The following CDC42BPG variants were observed in gnomAD, a reference collection of about 807,000 sequenced individuals.
CDC42BPG encodes the protein CDC42 binding protein kinase gamma.
CDC42BPG carries 157 observed loss-of-function variants against 192.2 expected under a neutral mutation model. That is an observed-to-expected ratio of 0.82 (90% confidence interval 0.72 to 0.93). CDC42BPG has a LOEUF of 0.93. Ranked by LOEUF, CDC42BPG falls within the 40% of genes least tolerant of loss-of-function variation. CDC42BPG has a pLI of 0.00. For missense variants in CDC42BPG, 1,992 were observed against 2,122.1 expected (o/e 0.94, Z 1.20); for synonymous variants, 981 against 918.5 (o/e 1.07, Z -1.23).
At chr11:64,826,632 T>C (rs1191999921) in intron 35 of CDC42BPG, 39 bp downstream of exon 35, 1 of 1,487,090 alleles carries the variant, frequency 6.7e-7, no homozygotes. Flanking sequence ...AAACTTGGGG[T>C]GGGGGGTGGC....
At chr11:64,836,605 C>T (rs1943003362) in intron 11 of CDC42BPG, 75 bp from the exon 12 acceptor site, 1 of 1,389,662 alleles carries the variant, frequency 7.2e-7, no homozygotes, top group African/African-American at 1.4e-5. Flanking sequence ...TCTCCTTGGC[C>T]TGTTTCCCAC....
intron 30 of CDC42BPG, among the ~76,000 whole-genome samples, chr11:64,829,211 C>A: frequency 6.6e-6 from 1 of 152,034 alleles, no homozygotes; most frequent in Non-Finnish European, 1.5e-5. Flanking sequence ...AGACAGAGAC[C>A]CTGTCTCAAA....
At chr11:64,837,507 C>G (rs947327207) in intron 9 of CDC42BPG, among the ~76,000 whole-genome samples, 5 of 152,238 alleles carry the variant, frequency 3.3e-5, no homozygotes, top group African/African-American at 1.2e-4. Context: ...GTCACCCAGG[C>G]TGGAGTGCAG....
rs575460001 is a variant in CDC42BPG, at chr11:64,823,622, A to C, written c.*851T>G. ...CGACCCCCTTTCTGGGAAGGGCCAG[A>C]GTGTGCCCGGAGACCCTCCAGTGGC... On this transcript the variant is annotated 3_prime_UTR_variant, in exon 37 of 37. Coordinates refer to ENST00000342711, the MANE Select transcript of CDC42BPG (RefSeq NM_017525.3). The C allele has an allele frequency of 6.6e-6, 1 of 152,254 alleles. No homozygotes were observed. The highest frequency in any genetic ancestry group is 2.1e-4 in the South Asian group (1 of 4,822). 9.4% of individuals were successfully genotyped at this position (152,254 alleles called of 1,614,324 possible).
chr11:64,834,582 T>G lies in CDC42BPG; in HGVS notation c.2176-5A>C. 1.9e-6 allele frequency: 3 copies of G among 1,551,412 alleles called. No individual in the cohort carries two copies. Among genetic ancestry groups the G allele is most frequent in the Non-Finnish European group, 2.6e-6 (3 of 1,145,972 alleles). On this transcript the variant is annotated splice_region_variant and splice_polypyrimidine_tract_variant and intron_variant, in intron 18 of 36. Transcript: ENST00000342711. ...CCGCGCCTTCCACTGGTGGTCCTGG[T>G]GGCCACGGAGCACCCGTATAAGATG...
At position 64,832,824 on chromosome 11, in the gene CDC42BPG, A is replaced by T; in HGVS notation, c.2865+2T>A. ...TCTTCCCCTCCCTCGGCCCCCACTC[A>T]CCGACAGAAAGCCCTCATAGGCAGT... is the stretch of plus-strand genomic sequence containing the variant. On this transcript the variant is annotated splice_donor_variant, in intron 25 of 36. Coordinates refer to ENST00000342711, the MANE Select transcript of CDC42BPG (RefSeq NM_017525.3). LOFTEE classifies it high-confidence loss of function. The T allele has an allele frequency of 6.3e-7, 1 of 1,586,434 alleles. No individual in the cohort carries two copies. Among genetic ancestry groups the T allele is most frequent in the Non-Finnish European group, 8.6e-7 (1 of 1,166,758 alleles).
In CDC42BPG at chr11:64,824,173, C is replaced by A; in HGVS notation, c.*300G>T. ...CTCTTACAAGCCTCTGGGGGCTTGG[C>A]ACTGGAAATAAGAGCTTTGGCACAA... On this transcript the variant is annotated 3_prime_UTR_variant, in exon 37 of 37. Transcript: ENST00000342711. 2.2e-6 allele frequency: 1 copy of A among 452,432 alleles called. No homozygotes were observed. The highest frequency in any genetic ancestry group is 3.5e-5 in the Admixed American group (1 of 28,298). 28.0% of individuals were successfully genotyped at this position (452,432 alleles called of 1,614,324 possible).
At chr11:64,831,035 T>C (rs1487710379) in intron 28 of CDC42BPG, among the ~76,000 whole-genome samples, 1 of 152,110 alleles carries the variant, frequency 6.6e-6, no homozygotes, top group African/African-American at 2.4e-5. Context: ...CTGGCCAACA[T>C]GCTGAAACCC....
chr11:64,826,714 TG>T lies in CDC42BPG; in HGVS notation c.4469del (p.Pro1490GlnfsTer16). On this transcript the variant is annotated frameshift_variant, in exon 35 of 37. Coordinates refer to ENST00000342711, the MANE Select transcript of CDC42BPG (RefSeq NM_017525.3). LOFTEE classifies it high-confidence loss of function. ...PHSFSEALRR[P>X]ASMGSEGLGG... ...CGAGGCCTTCGCTGCCCATGGAGGC[TG>T]GGCGCCGCAACGCCTCGGAGAAGCT... 6.4e-7 allele frequency: 1 copy of T among 1,554,706 alleles called. No individual in the cohort carries two copies. Among genetic ancestry groups the T allele is most frequent in the Admixed American group, 2.0e-5 (1 of 50,404 alleles).
At chr11:64,840,052 C>T in intron 5 of CDC42BPG, 68 bp downstream of exon 5, 2 of 1,489,790 alleles carry the variant, frequency 1.3e-6, no homozygotes, top group Admixed American at 1.9e-5. Flanking sequence ...ATCAGCTGTC[C>T]CCAGCACAGC....
At chr11:64,827,211 C>G (rs1191940136) in intron 33 of CDC42BPG, 44 bp from the exon 34 acceptor site, 1 of 1,613,674 alleles carries the variant, frequency 6.2e-7, no homozygotes, top group South Asian at 1.1e-5. Context: ...GCTCCACCCT[C>G]CCTTCGACCC....
In CDC42BPG at chr11:64,824,516, G is replaced by A; in HGVS notation, c.4613C>T (p.Pro1538Leu). 1 of 1,608,458 alleles carries A rather than the reference G, an allele frequency of 6.2e-7. No individual in the cohort carries two copies. The highest frequency in any genetic ancestry group is 8.5e-7 in the Non-Finnish European group (1 of 1,174,904). ...ATSLMQVSER[P>L]RSLPLSPELE... ...TTCAGGGGATAGGGGGAGGCTTCGG[G>A]GCCGTTCTGAGACCTGCAGGAGAAA... is the stretch of plus-strand genomic sequence containing the variant. The change falls in exon 37 of 37, where the codon CCC becomes CTC. Residue 1538 changes from proline to leucine, a missense_variant. Around this residue, in one of 2 missense-constraint regions of CDC42BPG, gnomAD observed 336 missense variants for 277.9 expected, o/e 1.21. Transcript: ENST00000342711.
intron 9 of CDC42BPG, 68 bp from the exon 10 acceptor site, chr11:64,837,087 G>A (rs1483124163): frequency 7.8e-7 from 1 of 1,278,276 alleles, no homozygotes. Context: ...CCATCCTCCT[G>A]GACCGAATCA....
At chr11:64,830,128 C>A in intron 29 of CDC42BPG, 58 bp from the exon 30 acceptor site, 4 of 1,611,524 alleles carry the variant, frequency 2.5e-6, no homozygotes, top group Non-Finnish European at 3.4e-6. Flanking sequence ...TGACCCATCC[C>A]CATCCTCCTC....
chr11:64,836,331 G>A, intron 12 of CDC42BPG, 35 bp from the exon 13 acceptor site: 7 of 1,608,326 alleles, frequency 4.4e-6, no homozygotes, highest in Non-Finnish European at 5.9e-6. Flanking sequence ...GGAAGGACAA[G>A]GCCCAGAGTC....
chr11:64,842,669 A>G (rs2136422935), intron 1 of CDC42BPG, among the ~76,000 whole-genome samples: 1 of 152,260 alleles, frequency 6.6e-6, no homozygotes, highest in South Asian at 2.1e-4. Context: ...TTGTCTGGTC[A>G]AGAACGTCCT....
In CDC42BPG at chr11:64,832,926, G is replaced by GGGGCACAGGTTGTGTGACAAAAGT; in HGVS notation, c.2741_2764dup (p.Ala921_Pro922insHisPheCysHisThrThrCysAla). The GGGGCACAGGTTGTGTGACAAAAGT allele has an allele frequency of 1.3e-6, 2 of 1,544,336 alleles. No homozygotes were observed. Among genetic ancestry groups the GGGGCACAGGTTGTGTGACAAAAGT allele is most frequent in the Non-Finnish European group, 1.7e-6 (2 of 1,144,848 alleles). ...GGGCACGGGGCAGGGTGGGGCCTGT[G>GGGGCACAGGTTGTGTGACAAAAGT]GGGCACAGGTTGTGTGACAAAAGTA... On this transcript the variant is annotated inframe_insertion, in exon 25 of 37. Transcript: ENST00000342711.
At chr11:64,827,653 C>T (rs1201182969) in intron 31 of CDC42BPG, 33 bp downstream of exon 31, 3 of 1,605,180 alleles carry the variant, frequency 1.9e-6, no homozygotes, top group South Asian at 1.1e-5. Flanking sequence ...CCTCCACCCC[C>T]GGCGCTACCC....
intron 31 of CDC42BPG, 35 bp downstream of exon 31, chr11:64,827,651 C>G (rs757346214): frequency 5.0e-6 from 8 of 1,605,344 alleles, no homozygotes; most frequent in Non-Finnish European, 6.8e-6. Context: ...CGCCTCCACC[C>G]CCGGCGCTAC....
Sources: gnomAD v4.1 joint callset for allele counts (sites outside exome capture counted in the v4.1 genomes callset) on GRCh38, gnomAD v4.1.1 for gene constraint, gnomAD v4.1.1 regional missense constraint, MANE v1.5 for transcripts, NCBI Gene and HGNC (gene_info 2026-07-23, HGNC 2026-07-21) for gene names.